TM9SF2: variants seen among roughly 807,000 people sequenced by gnomAD.
TM9SF2 encodes 76 kDa membrane protein.
In TM9SF2, 13 loss-of-function variants were observed where a neutral mutation model predicts 84.9. The ratio of observed to expected loss-of-function variants is 0.15; its 90% CI spans 0.10 to 0.24. The LOEUF is 0.24. Among genes scored for constraint, TM9SF2 ranks in the 10% least tolerant of loss-of-function variants. TM9SF2 has a pLI of 1.00. For missense variants in TM9SF2, 562 were observed against 818.5 expected, an observed-to-expected ratio of 0.69 and a Z score of 3.82; for synonymous variants, 273 against 285.8, an observed-to-expected ratio of 0.96 and a Z score of 0.45.
intron 4 of TM9SF2, among the ~76,000 whole-genome samples, chr13:99,532,075 G>A (rs1240938823): frequency 3.3e-5 from 5 of 149,614 alleles, no homozygotes; most frequent in African/African-American, 7.4e-5. Context: ...TTTTTGAGAC[G>A]GAATCTCGTT....
At chr13:99,554,209 G>A in intron 13 of TM9SF2, 95 bp from the exon 14 acceptor site, 2 of 1,433,702 alleles carry the variant, frequency 1.4e-6, no homozygotes, top group Non-Finnish European at 1.9e-6. Context: ...TGACAACATA[G>A]AAGCTGAAAA....
intron 11 of TM9SF2, among the ~76,000 whole-genome samples, chr13:99,548,251 C>T (rs886709501): frequency 2.0e-5 from 3 of 152,112 alleles, no homozygotes; most frequent in African/African-American, 7.2e-5. Flanking sequence ...CTTCAGGTCT[C>T]CCAGCTGCAG....
At chr13:99,540,956 A>G (rs1021445434) in intron 8 of TM9SF2, among the ~76,000 whole-genome samples, 163 bp downstream of exon 8, 2 of 152,202 alleles carry the variant, frequency 1.3e-5, no homozygotes, top group African/African-American at 2.4e-5. Flanking sequence ...CAGGTCCCTT[A>G]ATTTCTCAGC....
intron 15 of TM9SF2, among the ~76,000 whole-genome samples, chr13:99,559,020 G>A (rs1258953822): frequency 2.6e-5 from 4 of 152,096 alleles, no homozygotes; most frequent in Non-Finnish European, 5.9e-5. Flanking sequence ...TATTAATGTC[G>A]AGCCCTGTGA....
chr13:99,523,689 T>C (rs963263438), intron 3 of TM9SF2, among the ~76,000 whole-genome samples: 2 of 152,232 alleles, frequency 1.3e-5, no homozygotes, highest in African/African-American at 4.8e-5. Context: ...GTACCTTTCA[T>C]GTGCCAGGCA....
chr13:99,520,017 T>C lies in TM9SF2; in HGVS notation c.240-19T>C. ...ATCGTTCCCTTTTATGTGTAAAAATTTAAATATTCTTCTCCCAGGTTTGAT... is the reference window on the plus strand; with the variant it reads ...ATCGTTCCCTTTTATGTGTAAAAATCTAAATATTCTTCTCCCAGGTTTGAT... On this transcript the variant is annotated intron_variant, in intron 2 of 16. Transcript: ENST00000376387. The C allele has an allele frequency of 6.2e-7, 1 of 1,607,436 alleles. No individual in the cohort carries two copies. The highest frequency in any genetic ancestry group is 1.7e-5 in the Admixed American group (1 of 58,526).
At chr13:99,555,382 C>G (rs1197082009) in intron 14 of TM9SF2, among the ~76,000 whole-genome samples, 154 bp from the exon 15 acceptor site, 11 of 152,194 alleles carry the variant, frequency 7.2e-5, no homozygotes, top group Admixed American at 7.2e-4. Flanking sequence ...CCCTTCCCCA[C>G]CCCATCACCA....
At chr13:99,550,928 A>G (rs2139107515) in intron 12 of TM9SF2, among the ~76,000 whole-genome samples, 1 of 152,340 alleles carries the variant, frequency 6.6e-6, no homozygotes, top group East Asian at 1.9e-4. Context: ...AAAGGAGGAA[A>G]CAAAAAGGTG....
intron 12 of TM9SF2, among the ~76,000 whole-genome samples, chr13:99,549,680 A>G (rs2046297728): frequency 6.6e-6 from 1 of 152,228 alleles, no homozygotes; most frequent in South Asian, 2.1e-4. Flanking sequence ...ACAAATCCAA[A>G]ACAAAACAAA....
At chr13:99,528,882 T>C (rs2046195711) in intron 3 of TM9SF2, among the ~76,000 whole-genome samples, 1 of 152,202 alleles carries the variant, frequency 6.6e-6, no homozygotes, top group South Asian at 2.1e-4. Flanking sequence ...TTAATCACCT[T>C]ATGTAATAAA....
chr13:99,540,657 G>A (rs376831617), intron 7 of TM9SF2, 57 bp from the exon 8 acceptor site: 5 of 1,396,950 alleles, frequency 3.6e-6, no homozygotes, highest in Non-Finnish European at 5.0e-6. Flanking sequence ...ATTTTTTTTT[G>A]TTCTTAATGT....
chr13:99,559,300 A>T lies in TM9SF2; in HGVS notation c.1753-63A>T. On this transcript the variant is annotated intron_variant, in intron 15 of 16. Coordinates refer to ENST00000376387, the MANE Select transcript of TM9SF2 (RefSeq NM_004800.3). ...ATTTATTATGCTTGCTTTGAACCTTAGTAAGCTACATCTTATCTATTAATT... is the reference window on the plus strand; with the variant it reads ...ATTTATTATGCTTGCTTTGAACCTTTGTAAGCTACATCTTATCTATTAATT... The T allele has an allele frequency of 4.3e-6, 6 of 1,403,366 alleles. No individual in the cohort carries two copies. In the South Asian group the frequency reaches 9.1e-5, roughly 21 times the overall value. 86.9% of individuals were successfully genotyped at this position (1,403,366 alleles called of 1,614,324 possible). A position where few individuals can be genotyped will look rare whatever the true frequency, so the allele number is the denominator to read the frequency against.
intron 1 of TM9SF2, among the ~76,000 whole-genome samples, chr13:99,516,752 A>C (rs1594047037): frequency 6.6e-6 from 1 of 152,198 alleles, no homozygotes; most frequent in African/African-American, 2.4e-5. Context: ...CAGTGTTCTT[A>C]AATTGATGGA....
At position 99,539,575 on chromosome 13, in the gene TM9SF2, T is replaced by C; in HGVS notation, c.828+18T>C. The C allele has an allele frequency of 1.4e-6, 2 of 1,421,572 alleles. No homozygotes were observed. Among genetic ancestry groups the C allele is most frequent in the Non-Finnish European group, 2.0e-6 (2 of 1,004,892 alleles). The allele number at this position is 1,421,572 out of a possible 1,614,324, so 88.1% of individuals were successfully genotyped here. ...GCTTCGAGGTGAGTCTGTTGTTATCTTTAGTATAACTCTGAAATTGATTTT... is the reference window on the plus strand; with the variant it reads ...GCTTCGAGGTGAGTCTGTTGTTATCCTTAGTATAACTCTGAAATTGATTTT... On this transcript the variant is annotated intron_variant, in intron 7 of 16. Coordinates refer to ENST00000376387, the MANE Select transcript of TM9SF2 (RefSeq NM_004800.3).
intron 1 of TM9SF2, 142 bp from the exon 2 acceptor site, chr13:99,517,472 T>G: frequency 1.9e-6 from 1 of 525,074 alleles, no homozygotes; most frequent in Non-Finnish European, 3.2e-6. Flanking sequence ...AGTGAATGGA[T>G]TTGTAAGAGA....
intron 1 of TM9SF2, among the ~76,000 whole-genome samples, chr13:99,505,474 T>C (rs1338065101): frequency 6.6e-6 from 1 of 152,214 alleles, no homozygotes; most frequent in Non-Finnish European, 1.5e-5. Flanking sequence ...TTTAAATGTT[T>C]TACTTTCATT....
chr13:99,555,136 A>G (rs1391498724), intron 14 of TM9SF2, among the ~76,000 whole-genome samples: 2 of 152,240 alleles, frequency 1.3e-5, no homozygotes, highest in Non-Finnish European at 2.9e-5. Context: ...TGATTAGAAC[A>G]TATCTTTGCT....
At chr13:99,531,279 T>C (rs1317482752) in intron 4 of TM9SF2, among the ~76,000 whole-genome samples, 2 of 152,222 alleles carry the variant, frequency 1.3e-5, no homozygotes, top group Non-Finnish European at 2.9e-5. Flanking sequence ...AGTTTACATA[T>C]GTTTTGCCTT....
At chr13:99,509,708 G>A (rs530752697) in intron 1 of TM9SF2, among the ~76,000 whole-genome samples, 2 of 152,270 alleles carry the variant, frequency 1.3e-5, no homozygotes, top group East Asian at 3.9e-4. Context: ...GCCTGTGGTG[G>A]GAGGGGCTGC....
Sources: allele counts gnomAD v4.1 joint callset (sites outside exome capture counted in the v4.1 genomes callset), GRCh38; gene constraint gnomAD v4.1.1; transcripts MANE v1.5; gene names NCBI Gene and HGNC (gene_info 2026-07-23, HGNC 2026-07-21).